Variants in PPP1R16B observed in about 807,000 individuals in gnomAD.
PPP1R16B encodes the protein protein phosphatase 1 regulatory inhibitor subunit 16B.
PPP1R16B carries 14 observed loss-of-function variants against 61.7 expected under a neutral mutation model. The observed-to-expected ratio is 0.23, with a 90% CI of 0.15 to 0.35. The LOEUF is 0.35. PPP1R16B is among the 10% of genes least tolerant of loss of function. PPP1R16B has a pLI of 1.00. For synonymous variants in PPP1R16B, 266 were observed against 305.3 expected (o/e 0.87, Z 1.34); for missense variants, 547 against 752.5 (o/e 0.73, Z 3.19).
At position 38,822,061 on chromosome 20, in the gene PPP1R16B, T is replaced by A. The variant is rs8116400; in HGVS notation, c.-101-13764T>A. Among the ~76,000 whole-genome samples the A allele has an allele frequency of 5.2e-3, 770 of 148,528 alleles. 6 individuals carry two copies. Among genetic ancestry groups the A allele is most frequent in the African/African-American group, 0.017 (695 of 40,842 alleles). On this transcript the variant is annotated intron_variant, in intron 1 of 10. Coordinates refer to ENST00000299824, the MANE Select transcript of PPP1R16B (RefSeq NM_015568.4). ...TATAATATAAATATAATATATATATTTTTTTAATCAGGCAATTAACTTGAC... is the reference window on the plus strand; with the variant it reads ...TATAATATAAATATAATATATATATATTTTTAATCAGGCAATTAACTTGAC...
At chr20:38,888,299 G>T (rs997925727) in intron 2 of PPP1R16B, among the ~76,000 whole-genome samples, 1 of 152,162 alleles carries the variant, frequency 6.6e-6, no homozygotes, top group Non-Finnish European at 1.5e-5. Context: ...GGGCCTGCAC[G>T]CCTGGCTTCA....
In PPP1R16B at chr20:38,806,207, C is replaced by CCG. The variant is rs1555801088; in HGVS notation, c.-102+416_-102+417insGC. ...GCCACAGCGGACACCAAACAACCCC[C>CCG]CCCCGCGCACTCTCCCGGCCGGGCA... On this transcript the variant is annotated intron_variant, in intron 1 of 10. Coordinates refer to ENST00000299824, the MANE Select transcript of PPP1R16B (RefSeq NM_015568.4). This position sits in a 1 kb window ranked among gnomAD's most constrained non-coding sequence, Gnocchi z 4.5. 2.0e-5 allele frequency among the ~76,000 whole-genome samples: 3 copies of CCG among 152,080 alleles called. No individual in the cohort carries two copies. Among genetic ancestry groups the CCG allele is most frequent in the Admixed American group, 1.3e-4 (2 of 15,288 alleles).
chr20:38,902,881 C>T (rs1447475047), intron 6 of PPP1R16B, 89 bp downstream of exon 6: 43 of 1,575,052 alleles, frequency 2.7e-5, no homozygotes, highest in East Asian at 4.5e-5. Flanking sequence ...ACCCTTGGGG[C>T]CTGTCTGTGA....
chr20:38,839,234 A>G (rs925942111), intron 2 of PPP1R16B, among the ~76,000 whole-genome samples: 2 of 152,118 alleles, frequency 1.3e-5, no homozygotes, highest in African/African-American at 4.8e-5. Flanking sequence ...CAGTTTTTTA[A>G]TCTGTAAAAT....
chr20:38,808,552 A>C (rs1601225159), intron 1 of PPP1R16B, among the ~76,000 whole-genome samples: 1 of 152,184 alleles, frequency 6.6e-6, no homozygotes, highest in Non-Finnish European at 1.5e-5. Context: ...GAAAGCTACG[A>C]GTATGAAGAG....
intron 2 of PPP1R16B, among the ~76,000 whole-genome samples, chr20:38,865,258 A>G (rs1426654850): frequency 6.8e-6 from 1 of 147,890 alleles, no homozygotes; most frequent in East Asian, 2.0e-4. Context: ...CAGGGCACCT[A>G]CCCTGTGCCA....
intron 2 of PPP1R16B, among the ~76,000 whole-genome samples, chr20:38,860,554 G>C (rs1162313042): frequency 6.6e-6 from 1 of 152,214 alleles, no homozygotes; most frequent in Non-Finnish European, 1.5e-5. Context: ...GTTGGAGGTG[G>C]AGATTGCAGG....
At chr20:38,887,720 G>T (rs997147509) in intron 2 of PPP1R16B, among the ~76,000 whole-genome samples, 5 of 152,352 alleles carry the variant, frequency 3.3e-5, no homozygotes, top group African/African-American at 1.2e-4. Flanking sequence ...TCAGGACAGC[G>T]CCAAAGGATC....
chr20:38,868,719 T>C (rs490046), intron 2 of PPP1R16B, among the ~76,000 whole-genome samples: 95,104 of 151,866 alleles, frequency 0.63, 30,396 homozygotes, highest in South Asian at 0.8. Context: ...ACCAATTGGA[T>C]CCAGATTTTG....
At chr20:38,897,037 T>C (rs376779620) in intron 4 of PPP1R16B, among the ~76,000 whole-genome samples, 1 of 152,188 alleles carries the variant, frequency 6.6e-6, no homozygotes, top group African/African-American at 2.4e-5. Flanking sequence ...TCCCAGCTAC[T>C]TGGGAGGCTG....
At chr20:38,821,843 G>C (rs2084775071) in intron 1 of PPP1R16B, among the ~76,000 whole-genome samples, 1 of 151,638 alleles carries the variant, frequency 6.6e-6, no homozygotes, top group Admixed American at 6.6e-5. Context: ...CCTTGAGATT[G>C]GTCTCCATTG....
chr20:38,859,810 AG>A (rs1315200870), intron 2 of PPP1R16B, among the ~76,000 whole-genome samples: 2 of 152,024 alleles, frequency 1.3e-5, no homozygotes, highest in Non-Finnish European at 2.9e-5. Flanking sequence ...TAAATGCACT[AG>A]TAGCTACATT....
intron 4 of PPP1R16B, among the ~76,000 whole-genome samples, chr20:38,896,784 T>C (rs1441146923): frequency 6.6e-6 from 1 of 152,106 alleles, no homozygotes; most frequent in African/African-American, 2.4e-5. Flanking sequence ...TGCCTACCCC[T>C]GGCTCCTGGC....
intron 1 of PPP1R16B, among the ~76,000 whole-genome samples, chr20:38,828,921 C>T (rs915604531): frequency 1.3e-5 from 2 of 152,164 alleles, no homozygotes; most frequent in Non-Finnish European, 2.9e-5. Context: ...GTGAGGAGTT[C>T]TGTAGTACAT....
chr20:38,909,217 G>A (rs2085469969), intron 10 of PPP1R16B, among the ~76,000 whole-genome samples: 1 of 151,946 alleles, frequency 6.6e-6, no homozygotes, highest in Non-Finnish European at 1.5e-5. Context: ...GCCCAGGCTG[G>A]CCTCAAACTT....
chr20:38,809,985 GAAAA>G (rs11086731), intron 1 of PPP1R16B, among the ~76,000 whole-genome samples: 5 of 80,150 alleles, frequency 6.2e-5, no homozygotes, highest in Non-Finnish European at 1.2e-4. Flanking sequence ...ACCTTGTTTC[GAAAA>G]AAAAAAAAAA....
chr20:38,825,331 C>G (rs1043863883), intron 1 of PPP1R16B, among the ~76,000 whole-genome samples: 2 of 152,098 alleles, frequency 1.3e-5, no homozygotes. Context: ...GAAGTAGGAA[C>G]TAGAAAAAAA....
At chr20:38,868,608 C>G (rs994256676) in intron 2 of PPP1R16B, among the ~76,000 whole-genome samples, 6 of 152,206 alleles carry the variant, frequency 3.9e-5, no homozygotes, top group Admixed American at 1.3e-4. Flanking sequence ...GTCTTGAACT[C>G]CTGGCCTCAA....
intron 2 of PPP1R16B, among the ~76,000 whole-genome samples, chr20:38,878,764 A>G (rs921830500): frequency 6.6e-6 from 1 of 152,208 alleles, no homozygotes; most frequent in African/African-American, 2.4e-5. Context: ...ATGGCTGTGA[A>G]GCTATTACAG....
Sources: allele counts gnomAD v4.1 joint callset (sites outside exome capture counted in the v4.1 genomes callset), GRCh38; gene constraint gnomAD v4.1.1; non-coding constraint Gnocchi (gnomAD v3.1); transcripts MANE v1.5; gene names NCBI Gene and HGNC (gene_info 2026-07-23, HGNC 2026-07-21).